MMP7: variants seen among roughly 807,000 people sequenced by gnomAD.
MMP7 encodes the protein matrix metallopeptidase 7, also known as matrilysin.
A neutral mutation model predicts 31.5 loss-of-function variants in MMP7; 26 were observed. That is an observed-to-expected ratio of 0.83 (90% CI 0.61 to 1.15). The LOEUF (loss-of-function observed/expected upper bound fraction) is 1.15, where lower values mean the gene tolerates loss of function less well. Among genes scored for constraint, MMP7 ranks in the 50% most tolerant of loss-of-function variants. The probability of loss-of-function intolerance (pLI) is 0.00; values close to 1 mark genes in which losing one functional copy is unlikely to be tolerated. For missense variants in MMP7, 367 were observed against 326.5 expected, an observed-to-expected ratio of 1.12 and a Z score of -0.96; for synonymous variants, 142 against 124.2, an observed-to-expected ratio of 1.14 and a Z score of -0.95.
chr11:102,530,327 C>A (rs1434927846), intron 1 of MMP7, among the ~76,000 whole-genome samples: 2 of 152,104 alleles, frequency 1.3e-5, no homozygotes, highest in African/African-American at 4.8e-5. Context: ...AAATTGGAAA[C>A]CTGAAGCTTA....
At position 102,527,655 on chromosome 11, in the gene MMP7, C is replaced by T. The variant is rs768699462; in HGVS notation, c.353G>A (p.Arg118Gln). The T allele has an allele frequency of 2.5e-5, 41 of 1,613,930 alleles. No homozygotes were observed. The highest frequency in any genetic ancestry group is 3.3e-5 in the Admixed American group (2 of 59,966). The part of the protein sequence containing the change: ...VVTYRIVSYT[R>Q]DLPHITVDRL... ...ATCCACTGTAATATGCGGTAAGTCTCGAGTATATGATACGATCCTAGTAGC... is the reference window on the plus strand; with the variant it reads ...ATCCACTGTAATATGCGGTAAGTCTTGAGTATATGATACGATCCTAGTAGC... The change falls in exon 3 of 6, where the codon CGA becomes CAA. Residue 118 changes from arginine (R) to glutamine (Q), a missense_variant. Arg to Gln is a conservative substitution (Grantham distance 43). Transcript: ENST00000260227.
At chr11:102,527,412 C>A (rs756526355) in intron 3 of MMP7, 112 bp downstream of exon 3, 2 of 1,272,426 alleles carry the variant, frequency 1.6e-6, no homozygotes, top group African/African-American at 2.9e-5. Flanking sequence ...AACTATCTAT[C>A]TACCAATCAT....
chr11:102,524,908 G>A, intron 4 of MMP7, 28 bp downstream of exon 4: 1 of 1,594,328 alleles, frequency 6.3e-7, no homozygotes, highest in South Asian at 1.1e-5. Flanking sequence ...AAACGGATGT[G>A]GAGTAGAAGA....
Position 102,523,359 on chromosome 11 carries a change from G to C in MMP7, c.656C>G (p.Ser219Cys). The change falls in exon 5 of 6, where the codon TCT becomes TGT. Residue 219 changes from serine to cysteine, a missense_variant. Physicochemically the swap from Ser to Cys is moderately radical, Grantham distance 112 (BLOSUM62 -1). Transcript: ENST00000260227. ...LYAATHELGH[S>C]LGMGHSSDPN... ...ATCAGAGGAATGTCCCATACCCAAA[G>C]AATGGCCAAGTTCATGAGTTGCAGC... 1 of 1,610,860 alleles carries C rather than the reference G, an allele frequency of 6.2e-7. No individual in the cohort carries two copies. Among genetic ancestry groups the C allele is most frequent in the Non-Finnish European group, 8.5e-7 (1 of 1,178,302 alleles).
At chr11:102,526,537 G>C (rs1034956842) in intron 3 of MMP7, among the ~76,000 whole-genome samples, 2 of 151,996 alleles carry the variant, frequency 1.3e-5, no homozygotes, top group African/African-American at 4.8e-5. Flanking sequence ...ACACCCTGCT[G>C]TGTTATATAT....
At chr11:102,521,608 C>T (rs1377016073) in intron 5 of MMP7, among the ~76,000 whole-genome samples, 2 of 152,186 alleles carry the variant, frequency 1.3e-5, no homozygotes, top group East Asian at 3.8e-4. Context: ...CCTACATATA[C>T]AGCCCACATA....
In MMP7 at chr11:102,530,604, C is replaced by G. The variant is rs147586158; in HGVS notation, c.97G>C (p.Glu33Gln). Residue 33 changes from glutamate (E) to glutamine (Q), a missense_variant, in exon 1 of 6, where the codon GAA becomes CAA. Glu to Gln is a conservative substitution (Grantham distance 29). Coordinates refer to ENST00000260227, the MANE Select transcript of MMP7 (RefSeq NM_002423.5). ...GGGCTGTGACATACCTGAGCCTGTT[C>G]CCACTGTAGCTCACTCATGCCTCCC... ...EAGGMSELQW[E>Q]QAQDYLKRFY... 12 of 1,613,652 alleles carry G rather than the reference C, an allele frequency of 7.4e-6. No individual in the cohort carries two copies. In the East Asian group the frequency reaches 2.7e-4, roughly 36 times the overall value.
At chr11:102,523,975 T>C (rs1858641370) in intron 4 of MMP7, among the ~76,000 whole-genome samples, 1 of 152,190 alleles carries the variant, frequency 6.6e-6, no homozygotes, top group African/African-American at 2.4e-5. Context: ...GGGCTTTGTT[T>C]TTGATTTTGA....
In MMP7 at chr11:102,530,724, T is replaced by A; in HGVS notation, c.-24A>T. 6.2e-7 allele frequency: 1 copy of A among 1,600,670 alleles called. No individual in the cohort carries two copies. Among genetic ancestry groups the A allele is most frequent in the Non-Finnish European group, 8.5e-7 (1 of 1,169,952 alleles). ...ATAGCTGCCGTCCAGAGACAATTGTTCTTGGACCTATGGTTGATTTGGTGT... is the reference window on the plus strand; with the variant it reads ...ATAGCTGCCGTCCAGAGACAATTGTACTTGGACCTATGGTTGATTTGGTGT... On this transcript the variant is annotated 5_prime_UTR_variant, in exon 1 of 6. Coordinates refer to ENST00000260227, the MANE Select transcript of MMP7 (RefSeq NM_002423.5).
In MMP7 at chr11:102,524,956, C is replaced by T; in HGVS notation, c.593G>A (p.Trp198Ter). 6.2e-7 allele frequency: 1 copy of T among 1,613,806 alleles called. No homozygotes were observed. The highest frequency in any genetic ancestry group is 8.5e-7 in the Non-Finnish European group (1 of 1,179,872). Residue 198 changes from tryptophan to a stop codon, truncating the protein, a stop_gained, in exon 4 of 6, where the codon TGG becomes TAG. Transcript: ENST00000260227. LOFTEE classifies it high-confidence loss of function. The part of the protein sequence containing the change: ...GDAHFDEDER[W>*]TDGSSLGINF... ...TATACCTAGACTGCTACCATCCGTC[C>T]AGCGTTCATCCTCATCGAAGTGAGC... is the stretch of plus-strand genomic sequence containing the variant.
At chr11:102,522,197 C>A (rs1004240334) in intron 5 of MMP7, among the ~76,000 whole-genome samples, 3 of 152,216 alleles carry the variant, frequency 2.0e-5, no homozygotes, top group African/African-American at 7.2e-5. Context: ...TTGGGACATG[C>A]TGATTTATAG....
chr11:102,523,380 G>A lies in MMP7; in HGVS notation c.635C>T (p.Ala212Val), dbSNP rs374293947. The A allele has an allele frequency of 2.1e-5, 34 of 1,607,464 alleles. No homozygotes were observed. The African/African-American group carries it at 4.4e-4, about 21-fold the overall frequency. ...SSLGINFLYA[A>V]THELGHSLGM... is the part of the protein sequence containing the mutation. ...CAAAGAATGGCCAAGTTCATGAGTT[G>A]CAGCATACAGGAAGTTAATCCCTAC... Residue 212 changes from alanine (A) to valine (V), a missense_variant, in exon 5 of 6, where the codon GCA becomes GTA. Ala to Val is a moderately conservative substitution (Grantham distance 64). Transcript: ENST00000260227.
In MMP7 at chr11:102,527,509, A is replaced by C; in HGVS notation, c.484+15T>G. The C allele has an allele frequency of 6.2e-7, 1 of 1,614,176 alleles. No individual in the cohort carries two copies. Among genetic ancestry groups the C allele is most frequent in the Non-Finnish European group, 8.5e-7 (1 of 1,180,010 alleles). On this transcript the variant is annotated intron_variant, in intron 3 of 5. Coordinates refer to ENST00000260227, the MANE Select transcript of MMP7 (RefSeq NM_002423.5). ...AAAACAGGACACAGGATTAGCCTAC[A>C]GGAATCTTTCTTACCTCCTCGCGCA... is the stretch of plus-strand genomic sequence containing the variant.
At chr11:102,524,845 T>C (rs1858650423) in intron 4 of MMP7, 91 bp downstream of exon 4, 5 of 1,412,116 alleles carry the variant, frequency 3.5e-6, no homozygotes, top group Non-Finnish European at 4.7e-6. Context: ...AAGGGCTCAA[T>C]ACTTATTATA....
At chr11:102,523,735 T>C (rs1048698600) in intron 4 of MMP7, among the ~76,000 whole-genome samples, 2 of 152,232 alleles carry the variant, frequency 1.3e-5, no homozygotes, top group Non-Finnish European at 2.9e-5. Context: ...CTCCACTACT[T>C]ACTAGCTGGA....
intron 3 of MMP7, among the ~76,000 whole-genome samples, chr11:102,525,544 G>T (rs1336184507): frequency 6.6e-6 from 1 of 151,690 alleles, no homozygotes; most frequent in Non-Finnish European, 1.5e-5. Context: ...TGCTTTCTTG[G>T]CCCAGACACT....
Position 102,530,670 on chromosome 11 carries a change from G to GGCACACA in MMP7, c.24_30dup (p.Leu11CysfsTer21). On this transcript the variant is annotated frameshift_variant, in exon 1 of 6. Transcript: ENST00000260227. LOFTEE classifies it high-confidence loss of function. ...GGCAGGGCCAGGCTGCCAGGCAGCAGGCACACAGCACACAGCACGGTGAGT... is the reference window on the plus strand; with the variant it reads ...GGCAGGGCCAGGCTGCCAGGCAGCAGGCACACAGCACACAGCACACAGCACGGTGAGT... The GGCACACA allele has an allele frequency of 1.2e-6, 2 of 1,613,942 alleles. No homozygotes were observed. The highest frequency in any genetic ancestry group is 1.7e-6 in the Non-Finnish European group (2 of 1,179,946).
intron 1 of MMP7, among the ~76,000 whole-genome samples, chr11:102,529,389 G>C (rs959463581): frequency 3.9e-5 from 6 of 152,128 alleles, no homozygotes; most frequent in African/African-American, 1.4e-4. Flanking sequence ...GCTTTGTTGA[G>C]ATGACTTTTC....
Position 102,530,715 on chromosome 11 carries a change from G to A in MMP7, c.-15C>T. On this transcript the variant is annotated 5_prime_UTR_variant, in exon 1 of 6. Transcript: ENST00000260227. ...GTGAGTCGCATAGCTGCCGTCCAGAGACAATTGTTCTTGGACCTATGGTTG... is the reference window on the plus strand; with the variant it reads ...GTGAGTCGCATAGCTGCCGTCCAGAAACAATTGTTCTTGGACCTATGGTTG... 1 of 1,609,756 alleles carries A rather than the reference G, an allele frequency of 6.2e-7. No individual in the cohort carries two copies. The highest frequency in any genetic ancestry group is 8.5e-7 in the Non-Finnish European group (1 of 1,177,190).
Sources: allele counts gnomAD v4.1 joint callset (sites outside exome capture counted in the v4.1 genomes callset), GRCh38; gene constraint gnomAD v4.1.1; transcripts MANE v1.5; gene names NCBI Gene and HGNC (gene_info 2026-07-23, HGNC 2026-07-21).